Variants in CD82 observed in about 807,000 individuals in gnomAD.
CD82 encodes CD82 molecule.
In CD82, 36 loss-of-function variants were observed where a neutral mutation model predicts 37.4. The ratio of observed to expected loss-of-function variants is 0.96; its 90% CI spans 0.74 to 1.27. CD82 has a LOEUF of 1.27. Ranked by LOEUF, CD82 falls within the 50% of genes most tolerant of loss-of-function variation. CD82 has a pLI of 0.00. For missense variants in CD82, 340 were observed against 347.0 expected (o/e 0.98, Z 0.16); for synonymous variants, 158 against 137.4 (o/e 1.15, Z -1.05).
chr11:44,593,354 C>A (rs542101309), intron 2 of CD82, among the ~76,000 whole-genome samples: 51 of 152,330 alleles, frequency 3.3e-4, no homozygotes, highest in East Asian at 2.1e-3. Context: ...TCCCCTCCAC[C>A]CCCCCAGCCC....
intron 2 of CD82, among the ~76,000 whole-genome samples, chr11:44,590,984 C>T (rs11038075): frequency 0.3 from 46,018 of 152,246 alleles, 7,269 homozygotes; most frequent in Non-Finnish European, 0.33. Context: ...GTTCTTCACC[C>T]TCTGCTCCCT....
intron 7 of CD82, 81 bp from the exon 8 acceptor site, chr11:44,618,081 G>T: frequency 8.0e-7 from 1 of 1,244,498 alleles, no homozygotes; most frequent in South Asian, 1.3e-5. Flanking sequence ...CTCTGTCCTG[G>T]GGAGGTCCTC....
At chr11:44,616,786 G>C (rs1009556270) in intron 7 of CD82, among the ~76,000 whole-genome samples, 3 of 152,204 alleles carry the variant, frequency 2.0e-5, no homozygotes, top group African/African-American at 7.2e-5. Context: ...GGCGTGTGCT[G>C]CTGGGGACCA....
At chr11:44,615,085 T>C (rs886963492) in intron 6 of CD82, among the ~76,000 whole-genome samples, 187 bp from the exon 7 acceptor site, 2 of 151,920 alleles carry the variant, frequency 1.3e-5, no homozygotes, top group African/African-American at 4.8e-5. Context: ...GCAGAAGAGA[T>C]AGTGGGGCAG....
intron 2 of CD82, 70 bp downstream of exon 2, chr11:44,587,626 A>C: frequency 4.4e-6 from 2 of 455,088 alleles, no homozygotes; most frequent in South Asian, 3.1e-5. Flanking sequence ...AGGAAGGTGG[A>C]GACCGAGCAT....
chr11:44,605,069 A>G lies in CD82; in HGVS notation c.148A>G (p.Ser50Gly). 1.2e-6 allele frequency: 2 copies of G among 1,613,984 alleles called. No homozygotes were observed. Among genetic ancestry groups the G allele is most frequent in the South Asian group, 2.2e-5 (2 of 91,084 alleles). Residue 50 changes from serine to glycine, a missense_variant, in exon 5 of 10, where the codon AGC becomes GGC. Transcript: ENST00000227155. ...SFISVLQTSS[S>G]SLRMGAYVFI... ...CTTCTTCCCCCTAGAAACCTCCTCCAGCTCGCTTAGGATGGGGGCCTATGT... is the reference window on the plus strand; with the variant it reads ...CTTCTTCCCCCTAGAAACCTCCTCCGGCTCGCTTAGGATGGGGGCCTATGT...
rs924356235 is a variant in CD82, at chr11:44,596,990, G to A, written c.63+2265G>A. ...TGGAGGTCAGCAAAGGCTTCCTGGG[G>A]TTCTGGGTGTGGCTTTGGAGAGGGG... On this transcript the variant is annotated intron_variant, in intron 3 of 9. Transcript: ENST00000227155. 1.3e-5 allele frequency: 6 copies of A among 456,238 alleles called. No homozygotes were observed. The Admixed American group carries it at 1.4e-4, about 11-fold the overall frequency. 28.3% of individuals were successfully genotyped at this position (456,238 alleles called of 1,614,324 possible). A position where few individuals can be genotyped will look rare whatever the true frequency, so the allele number is the denominator to read the frequency against.
At chr11:44,601,880 G>A (rs562278722) in intron 4 of CD82, among the ~76,000 whole-genome samples, 1 of 152,294 alleles carries the variant, frequency 6.6e-6, no homozygotes, top group African/African-American at 2.4e-5. Flanking sequence ...CCTCTTGCCT[G>A]GTCACTAGGC....
chr11:44,610,615 G>A (rs1446995868), intron 6 of CD82, among the ~76,000 whole-genome samples: 1 of 151,784 alleles, frequency 6.6e-6, no homozygotes. Context: ...GCTTGCCGAG[G>A]CTAAGATCCC....
At chr11:44,599,930 G>C (rs889168185) in intron 3 of CD82, among the ~76,000 whole-genome samples, 8 of 152,158 alleles carry the variant, frequency 5.3e-5, no homozygotes, top group Non-Finnish European at 1.2e-4. Flanking sequence ...CATGGTGGAG[G>C]GGGGCAAGAT....
In CD82 at chr11:44,618,092, C is replaced by T. The variant is rs931401895; in HGVS notation, c.439-70C>T. ...CAGTCTCTGTCCTGGGGAGGTCCTC[C>T]CTCTGCCAGGAGGGCAGCCTGCCTA... On this transcript the variant is annotated intron_variant, in intron 7 of 9. Coordinates refer to ENST00000227155, the MANE Select transcript of CD82 (RefSeq NM_002231.4). 14 of 1,420,386 alleles carry T rather than the reference C, an allele frequency of 9.9e-6. No homozygotes were observed. The Admixed American group carries it at 1.2e-4, about 12-fold the overall frequency. The allele number at this position is 1,420,386 out of a possible 1,614,324, so 88.0% of individuals were successfully genotyped here.
In CD82 at chr11:44,615,816, T is replaced by C. The variant is rs532058188; in HGVS notation, c.438+443T>C. ...TATTTTAGCCAAATCTTGATACTGG[T>C]TTCGCCAGTATGTGCACATACGTAA... On this transcript the variant is annotated intron_variant, in intron 7 of 9. Transcript: ENST00000227155. Among the ~76,000 whole-genome samples the C allele has an allele frequency of 7.9e-4, 121 of 152,268 alleles. 1 individual carries two copies. Among genetic ancestry groups the C allele is most frequent in the Non-Finnish European group, 8.8e-4 (60 of 68,026 alleles).
chr11:44,592,867 C>T (rs936002088), intron 2 of CD82, among the ~76,000 whole-genome samples: 1 of 152,128 alleles, frequency 6.6e-6, no homozygotes, highest in Non-Finnish European at 1.5e-5. Context: ...GCACTTAAAT[C>T]CCCCAGGAGT....
At chr11:44,586,861 G>A (rs947925741) in intron 1 of CD82, among the ~76,000 whole-genome samples, 2 of 152,160 alleles carry the variant, frequency 1.3e-5, no homozygotes, top group African/African-American at 4.8e-5. Context: ...TTATACACAA[G>A]GCACTGTTCT....
At chr11:44,585,533 C>T (rs907449154) in intron 1 of CD82, among the ~76,000 whole-genome samples, 5 of 152,182 alleles carry the variant, frequency 3.3e-5, no homozygotes, top group Admixed American at 2.6e-4. Context: ...TATGCACTAG[C>T]CTGATGGCGA....
At chr11:44,570,454 C>T (rs560638584) in intron 1 of CD82, among the ~76,000 whole-genome samples, 3 of 152,378 alleles carry the variant, frequency 2.0e-5, no homozygotes, top group Admixed American at 2.0e-4. Flanking sequence ...TGGCATACAG[C>T]AGGCACTTGG....
At chr11:44,578,385 C>T (rs377538617) in intron 1 of CD82, among the ~76,000 whole-genome samples, 1 of 152,134 alleles carries the variant, frequency 6.6e-6, no homozygotes, top group Non-Finnish European at 1.5e-5. Context: ...ATGGTGTTGC[C>T]ACATGTCCCA....
At chr11:44,574,371 A>T (rs1283591392) in intron 1 of CD82, among the ~76,000 whole-genome samples, 2 of 152,200 alleles carry the variant, frequency 1.3e-5, no homozygotes, top group South Asian at 4.1e-4. Flanking sequence ...CTTAGAAAAT[A>T]GGGGATAGAA....
rs1344778849 is a variant in CD82, at chr11:44,618,380, G to A, written c.642+15G>A. The stretch of plus-strand genomic sequence containing the variant: ...TGTACCAGGAGGTGTGCGGGGGGCT[G>A]CGGATCGGGGGCGGGGCTCCGAGGG... On this transcript the variant is annotated intron_variant, in intron 8 of 9. Coordinates refer to ENST00000227155, the MANE Select transcript of CD82 (RefSeq NM_002231.4). 4 of 1,608,222 alleles carry A rather than the reference G, an allele frequency of 2.5e-6. No homozygotes were observed. The African/African-American group carries it at 5.3e-5, about 21-fold the overall frequency.
Sources: gnomAD v4.1 joint callset for allele counts (sites outside exome capture counted in the v4.1 genomes callset) on GRCh38, gnomAD v4.1.1 for gene constraint, MANE v1.5 for transcripts, NCBI Gene and HGNC (gene_info 2026-07-23, HGNC 2026-07-21) for gene names.